The following CYP2C19 variants were observed in gnomAD, a reference collection of about 807,000 sequenced individuals.
CYP2C19 encodes cytochrome P450 2C19.
Under a neutral mutation model 40.9 loss-of-function variants are expected in CYP2C19, and 59 were observed. The observed-to-expected ratio is 1.44, with a 90% CI of 1.17 to 1.79. The LOEUF (loss-of-function observed/expected upper bound fraction) is 1.79, where lower values mean the gene tolerates loss of function less well. Ranked by LOEUF, CYP2C19 falls within the 40% of genes most tolerant of loss-of-function variation. CYP2C19 has a pLI of 0.00. For missense variants in CYP2C19, 754 were observed against 596.9 expected (o/e 1.26, Z -2.74); for synonymous variants, 253 against 208.7 (o/e 1.21, Z -1.83).
chr10:94,850,753 A>G (rs1249145080), intron 8 of CYP2C19, among the ~76,000 whole-genome samples: 3 of 152,210 alleles, frequency 2.0e-5, no homozygotes, highest in African/African-American at 7.2e-5. Context: ...GAGCCACAGG[A>G]GCAGGATATT....
intron 5 of CYP2C19, among the ~76,000 whole-genome samples, chr10:94,799,306 T>C (rs1467628846): frequency 6.6e-6 from 1 of 151,760 alleles, no homozygotes; most frequent in Non-Finnish European, 1.5e-5. Flanking sequence ...AAAATTCTTT[T>C]CTTTAAGAAT....
intron 5 of CYP2C19, among the ~76,000 whole-genome samples, chr10:94,804,018 G>A (rs903923875): frequency 1.3e-5 from 2 of 152,132 alleles, no homozygotes; most frequent in Non-Finnish European, 2.9e-5. Flanking sequence ...GTCTGCCTGG[G>A]TGTGGAGCAC....
intron 1 of CYP2C19, among the ~76,000 whole-genome samples, chr10:94,773,002 C>T (rs1011825728): frequency 1.3e-5 from 2 of 151,960 alleles, no homozygotes; most frequent in East Asian, 3.9e-4. Context: ...AGGATGGTCT[C>T]GATCTGCTGA....
chr10:94,782,025 G>A (rs1406065945), intron 5 of CYP2C19, 28 bp downstream of exon 5: 6 of 1,509,802 alleles, frequency 4.0e-6, no homozygotes, highest in African/African-American at 1.4e-5. Context: ...GCTTAGTTAT[G>A]TGACTGCTTG....
chr10:94,775,222 T>A lies in CYP2C19; in HGVS notation c.331+2T>A. The A allele has an allele frequency of 6.2e-7, 1 of 1,614,004 alleles. No individual in the cohort carries two copies. The highest frequency in any genetic ancestry group is 8.5e-7 in the Non-Finnish European group (1 of 1,180,000). On this transcript the variant is annotated splice_donor_variant, in intron 2 of 8. Coordinates refer to ENST00000371321, the MANE Select transcript of CYP2C19 (RefSeq NM_000769.4). LOFTEE classifies it high-confidence loss of function. ...CTGAAAGAGCTAACAGAGGATTTGG[T>A]AGGTGTGCAAGTGCCTGTTTCAGCA...
chr10:94,793,948 GC>G (rs1176334019), intron 5 of CYP2C19, among the ~76,000 whole-genome samples: 4 of 152,148 alleles, frequency 2.6e-5, no homozygotes, highest in Non-Finnish European at 5.9e-5. Flanking sequence ...GCTATGCCCT[GC>G]CCCCAAAGGT....
intron 5 of CYP2C19, among the ~76,000 whole-genome samples, chr10:94,788,954 A>G (rs1052766972): frequency 1.3e-5 from 2 of 152,172 alleles, no homozygotes; most frequent in Admixed American, 1.3e-4. Context: ...ACTAATTTAC[A>G]TTCCCACAAA....
chr10:94,828,009 T>C, intron 6 of CYP2C19, among the ~76,000 whole-genome samples: 1 of 152,034 alleles, frequency 6.6e-6, no homozygotes, highest in Non-Finnish European at 1.5e-5. Flanking sequence ...TCTAGTTTGA[T>C]TGCACTGTGG....
At chr10:94,828,694 G>C (rs978823581) in intron 6 of CYP2C19, among the ~76,000 whole-genome samples, 7 of 150,980 alleles carry the variant, frequency 4.6e-5, no homozygotes, top group African/African-American at 1.7e-4. Context: ...GTGTGAATTT[G>C]ATCCTGTCAT....
intron 3 of CYP2C19, 114 bp from the exon 4 acceptor site, chr10:94,780,385 A>G: frequency 7.4e-7 from 1 of 1,360,084 alleles, no homozygotes; most frequent in East Asian, 2.5e-5. Context: ...TTTTAAGGGA[A>G]TTCATAGGTA....
intron 6 of CYP2C19, among the ~76,000 whole-genome samples, chr10:94,829,246 T>A (rs187094721): frequency 1.3e-5 from 2 of 152,198 alleles, no homozygotes; most frequent in South Asian, 4.1e-4. Context: ...CTGGATAATA[T>A]CCTGCAGAGT....
intron 7 of CYP2C19, among the ~76,000 whole-genome samples, chr10:94,848,746 A>T (rs1369063763): frequency 6.6e-6 from 1 of 152,038 alleles, no homozygotes; most frequent in Non-Finnish European, 1.5e-5. Flanking sequence ...ATCCTCTTTT[A>T]TTTCATTGAG....
chr10:94,810,380 C>G (rs1345070440), intron 5 of CYP2C19, among the ~76,000 whole-genome samples: 4 of 152,072 alleles, frequency 2.6e-5, no homozygotes, highest in Non-Finnish European at 5.9e-5. Context: ...GTTTTGGTAT[C>G]AGGATGATTC....
intron 5 of CYP2C19, among the ~76,000 whole-genome samples, chr10:94,800,085 C>G (rs1431487937): frequency 2.0e-5 from 3 of 152,170 alleles, no homozygotes; most frequent in African/African-American, 7.2e-5. Context: ...GAGAGGCACT[C>G]TGGTTTTTAG....
At chr10:94,780,132 C>A (rs961680306) in intron 3 of CYP2C19, among the ~76,000 whole-genome samples, 4 of 152,048 alleles carry the variant, frequency 2.6e-5, no homozygotes, top group Non-Finnish European at 5.9e-5. Context: ...CTATTCTCAC[C>A]CTTTCTATCT....
chr10:94,789,976 G>A (rs1848585675), intron 5 of CYP2C19, among the ~76,000 whole-genome samples: 1 of 152,246 alleles, frequency 6.6e-6, no homozygotes, highest in African/African-American at 2.4e-5. Context: ...CTATCCATGA[G>A]CATGGAATGT....
chr10:94,838,642 G>A (rs1374141661), intron 6 of CYP2C19, among the ~76,000 whole-genome samples: 1 of 152,074 alleles, frequency 6.6e-6, no homozygotes, highest in Non-Finnish European at 1.5e-5. Flanking sequence ...TTTTTGGACG[G>A]TTTGTGTTGA....
At chr10:94,771,941 A>G (rs1182466535) in intron 1 of CYP2C19, among the ~76,000 whole-genome samples, 1 of 152,050 alleles carries the variant, frequency 6.6e-6, no homozygotes, top group Non-Finnish European at 1.5e-5. Flanking sequence ...GAAAACGTGT[A>G]CCCCTGCCTG....
chr10:94,835,209 C>T (rs1176903645), intron 6 of CYP2C19, among the ~76,000 whole-genome samples: 2 of 152,134 alleles, frequency 1.3e-5, no homozygotes, highest in East Asian at 3.9e-4. Flanking sequence ...CCTGCAGTGC[C>T]TTTGACACAC....
Sources: gnomAD v4.1 joint callset for allele counts (sites outside exome capture counted in the v4.1 genomes callset) on GRCh38, gnomAD v4.1.1 for gene constraint, MANE v1.5 for transcripts, NCBI Gene and HGNC (gene_info 2026-07-23, HGNC 2026-07-21) for gene names.